TMIE: variants seen among roughly 807,000 people sequenced by gnomAD.
TMIE encodes the protein transmembrane inner ear expressed protein.
In TMIE, 14 loss-of-function variants were observed where a neutral mutation model predicts 16.8. That is an observed-to-expected ratio of 0.83 (90% CI 0.55 to 1.30). The LOEUF is 1.30. Ranked by LOEUF, TMIE falls within the 50% of genes most tolerant of loss-of-function variation. The pLI, the probability that TMIE is intolerant of heterozygous loss-of-function variation, is 0.00. For missense variants in TMIE, 204 were observed against 205.9 expected, an observed-to-expected ratio of 0.99 and a Z score of 0.06; for synonymous variants, 75 against 87.2, an observed-to-expected ratio of 0.86 and a Z score of 0.78.
upstream of TMIE, among the ~76,000 whole-genome samples, chr3:46,694,188 C>A (rs760872382): frequency 1.3e-5 from 2 of 152,204 alleles, no homozygotes; most frequent in Admixed American, 6.5e-5. Context: ...CCTGCGGCCC[C>A]CTGGGCTGGG....
intron 1 of TMIE, among the ~76,000 whole-genome samples, chr3:46,695,169 A>C (rs1194803355): frequency 6.6e-6 from 1 of 152,130 alleles, no homozygotes; most frequent in Non-Finnish European, 1.5e-5. Flanking sequence ...CCCTGAGTCT[A>C]CAGCACAGCC....
rs747577335 is a variant in TMIE, at chr3:46,709,163, AC to A, written c.250del (p.Arg84GlyfsTer58). The A allele has an allele frequency of 6.2e-7, 1 of 1,614,120 alleles. No individual in the cohort carries two copies. Among genetic ancestry groups the A allele is most frequent in the Non-Finnish European group, 8.5e-7 (1 of 1,180,028 alleles). Reference protein sequence around the residue: ...LCCVFNCRVPRTRKEIEARYL... With the variant: ...LCCVFNCRVPXTRKEIEARYL... ...GCTGTGTCTTCAACTGTCGTGTGCC[AC>A]GGACCCGGAAGGAGATCGAAGCCCG... On this transcript the variant is annotated frameshift_variant, in exon 3 of 4. Transcript: ENST00000643606. LOFTEE classifies it high-confidence loss of function.
intron 1 of TMIE, among the ~76,000 whole-genome samples, chr3:46,705,198 C>A (rs1188882151): frequency 6.6e-6 from 1 of 152,214 alleles, no homozygotes; most frequent in Non-Finnish European, 1.5e-5. Flanking sequence ...CAGGTGTCGC[C>A]ACAGCACTGC....
At chr3:46,693,803 G>C (rs890497629), upstream of TMIE, 1 of 148,830 alleles carries the variant, frequency 6.7e-6, no homozygotes, top group Admixed American at 6.7e-5. Flanking sequence ...CGGGGGCCAC[G>C]GGCGGGCCAC....
rs1172671363 is a variant in TMIE at position 46,701,963 on chromosome 3, C to T, written c.93+383C>T. ...CAGGGAGGTGCACAGCCCTGGGTTT[C>T]CTGGACCTCTAGTCTGATGGAACAG... is the stretch of plus-strand genomic sequence containing the variant. On this transcript the variant is annotated intron_variant, in intron 1 of 3. Coordinates refer to ENST00000643606, the MANE Select transcript of TMIE (RefSeq NM_147196.3). This position sits in a 1 kb window ranked among gnomAD's most constrained non-coding sequence, Gnocchi z 4.3. 6.6e-6 allele frequency among the ~76,000 whole-genome samples: 1 copy of T among 152,126 alleles called. No individual in the cohort carries two copies. Among genetic ancestry groups the T allele is most frequent in the Non-Finnish European group, 1.5e-5 (1 of 68,028 alleles).
intron 2 of TMIE, among the ~76,000 whole-genome samples, chr3:46,706,948 G>A (rs138075404): frequency 1.5e-3 from 221 of 152,326 alleles, no homozygotes; most frequent in Non-Finnish European, 2.3e-3. Flanking sequence ...AGATGTGAGG[G>A]GCTCCAAGGA....
At chr3:46,698,266 G>C (rs890949644), upstream of TMIE, among the ~76,000 whole-genome samples, 1 of 152,092 alleles carries the variant, frequency 6.6e-6, no homozygotes, top group South Asian at 2.1e-4. Flanking sequence ...GGATGGTCTC[G>C]ATCTCCTGAC....
chr3:46,702,649 G>A (rs922994162), intron 1 of TMIE, among the ~76,000 whole-genome samples: 2 of 152,114 alleles, frequency 1.3e-5, no homozygotes, highest in Admixed American at 6.5e-5. Context: ...AGGGGTGGGG[G>A]CTTGGGGACA....
At chr3:46,706,880 G>A (rs993904444) in intron 2 of TMIE, among the ~76,000 whole-genome samples, 24 of 152,208 alleles carry the variant, frequency 1.6e-4, no homozygotes, top group African/African-American at 5.3e-4. Context: ...CGTCCCAGCC[G>A]GAGCTGTCCC....
chr3:46,703,099 T>C (rs779422714), intron 1 of TMIE, among the ~76,000 whole-genome samples: 1 of 152,152 alleles, frequency 6.6e-6, no homozygotes, highest in Non-Finnish European at 1.5e-5. Context: ...AGCTCTTCCC[T>C]CACGGAAGCA....
intron 1 of TMIE, among the ~76,000 whole-genome samples, chr3:46,695,044 C>A (rs1700374689): frequency 6.6e-6 from 1 of 152,160 alleles, no homozygotes; most frequent in Non-Finnish European, 1.5e-5. Context: ...GTCCCTCTGG[C>A]CCTCTGGGAA....
upstream of TMIE, among the ~76,000 whole-genome samples, chr3:46,699,783 G>A (rs1700448283): frequency 6.6e-6 from 1 of 152,210 alleles, no homozygotes; most frequent in Non-Finnish European, 1.5e-5. Flanking sequence ...GCTGAGCTGT[G>A]ATTGGGAGCC....
At position 46,710,462 on chromosome 3, in the gene TMIE, G is replaced by C. The variant is rs1328013770; in HGVS notation, c.*774G>C. On this transcript the variant is annotated 3_prime_UTR_variant, in exon 4 of 4. Transcript: ENST00000643606. ...AATGGGCTAGAGGGTGCCGGAAAGA[G>C]AGCTGGAGTCTGGGCTCCTCTTGGG... 6.5e-6 allele frequency: 1 copy of C among 152,836 alleles called. No individual in the cohort carries two copies. The highest frequency in any genetic ancestry group is 1.5e-5 in the Non-Finnish European group (1 of 68,528). The allele number at this position is 152,836 out of a possible 1,614,324, so 9.5% of individuals were successfully genotyped here.
At chr3:46,705,963 CT>C in intron 2 of TMIE, 56 bp downstream of exon 2, 1 of 1,559,320 alleles carries the variant, frequency 6.4e-7, no homozygotes, top group East Asian at 2.2e-5. Flanking sequence ...ACAGCACCCC[CT>C]GCCCCCCAGA....
Position 46,709,295 on chromosome 3 carries a change from A to G in TMIE, c.361+20A>G. The G allele has an allele frequency of 6.8e-6, 11 of 1,613,458 alleles. No homozygotes were observed. The highest frequency in any genetic ancestry group is 9.3e-6 in the Non-Finnish European group (11 of 1,179,914). On this transcript the variant is annotated intron_variant, in intron 3 of 3. Coordinates refer to ENST00000643606, the MANE Select transcript of TMIE (RefSeq NM_147196.3). ...CAGGAGGTGAGTTGGCCCTGGCTTGAGCCCTGCTGCGCCAGCCAGTTCCTC... is the reference window on the plus strand; with the variant it reads ...CAGGAGGTGAGTTGGCCCTGGCTTGGGCCCTGCTGCGCCAGCCAGTTCCTC...
chr3:46,706,810 G>A (rs1422603887), intron 2 of TMIE, among the ~76,000 whole-genome samples: 1 of 152,224 alleles, frequency 6.6e-6, no homozygotes, highest in Non-Finnish European at 1.5e-5. Context: ...CAGGGTCTCA[G>A]ATGAACCCAA....
chr3:46,697,337 G>A (rs892866988), upstream of TMIE, among the ~76,000 whole-genome samples: 2 of 152,180 alleles, frequency 1.3e-5, no homozygotes, highest in African/African-American at 2.4e-5. Context: ...CGAGTCTTAA[G>A]ACCCTCCCCA....
chr3:46,694,918 C>T (rs1700369540), intron 1 of TMIE, among the ~76,000 whole-genome samples: 1 of 152,176 alleles, frequency 6.6e-6, no homozygotes, highest in Admixed American at 6.5e-5. Context: ...CCCTTCTGCA[C>T]CCCCTGCTGC....
chr3:46,706,504 G>C (rs1700554546), intron 2 of TMIE, among the ~76,000 whole-genome samples: 1 of 152,236 alleles, frequency 6.6e-6, no homozygotes, highest in Admixed American at 6.5e-5. Flanking sequence ...TCTGGAGTTG[G>C]GGAAGGGGAC....
Sources: gnomAD v4.1 joint callset for allele counts (sites outside exome capture counted in the v4.1 genomes callset) on GRCh38, gnomAD v4.1.1 for gene constraint, Gnocchi (gnomAD v3.1) non-coding constraint, MANE v1.5 for transcripts, NCBI Gene and HGNC (gene_info 2026-07-23, HGNC 2026-07-21) for gene names.